The following ADAMTSL3 variants were observed in gnomAD, a reference collection of about 807,000 sequenced individuals.
The protein encoded by ADAMTSL3 is ADAMTS-like protein 3.
A neutral mutation model predicts 201.7 loss-of-function variants in ADAMTSL3; 128 were observed. That is an observed-to-expected ratio of 0.63 (90% CI 0.55 to 0.73). The LOEUF is 0.73. ADAMTSL3 is among the 30% of genes least tolerant of loss of function. The probability of loss-of-function intolerance (pLI) is 0.00; values close to 1 mark genes in which losing one functional copy is unlikely to be tolerated. For synonymous variants in ADAMTSL3, 738 were observed against 748.4 expected (o/e 0.99, Z 0.23); for missense variants, 1,990 against 2,119.6 (o/e 0.94, Z 1.20).
Position 84,033,877 on chromosome 15 carries a change from A to G in ADAMTSL3, c.4754+2445A>G, listed in dbSNP as rs567084902. The stretch of plus-strand genomic sequence containing the variant: ...ATAAAGAGTATAGAAGGATCTATCA[A>G]GAGGCTCAAAATCTGATTAAATTGG... On this transcript the variant is annotated intron_variant, in intron 28 of 29. Transcript: ENST00000286744. Among the ~76,000 whole-genome samples the G allele has an allele frequency of 4.4e-4, 67 of 152,350 alleles. 1 individual carries two copies. The highest frequency in any genetic ancestry group is 1.5e-3 in the African/African-American group (62 of 41,588).
chr15:83,871,057 G>GC, intron 9 of ADAMTSL3, 98 bp downstream of exon 9: 2 of 1,378,304 alleles, frequency 1.5e-6, no homozygotes, highest in South Asian at 2.5e-5. Flanking sequence ...ATCAATCATT[G>GC]TTTTTTATAC....
chr15:83,788,344 A>G (rs1008953684), intron 4 of ADAMTSL3, among the ~76,000 whole-genome samples: 9 of 152,124 alleles, frequency 5.9e-5, no homozygotes, highest in African/African-American at 2.2e-4. Context: ...TGGGAGGGTC[A>G]TTTACTTCTT....
intron 2 of ADAMTSL3, among the ~76,000 whole-genome samples, chr15:83,682,265 G>T (rs2061485843): frequency 6.6e-6 from 1 of 152,120 alleles, no homozygotes; most frequent in Non-Finnish European, 1.5e-5. Context: ...GCCTGAGACA[G>T]ACCTGCCCAA....
chr15:83,820,797 C>T (rs532817463), intron 6 of ADAMTSL3, among the ~76,000 whole-genome samples: 18 of 152,156 alleles, frequency 1.2e-4, no homozygotes, highest in Non-Finnish European at 1.9e-4. Flanking sequence ...CACTTTAGGC[C>T]GGGTATGGAG....
intron 2 of ADAMTSL3, among the ~76,000 whole-genome samples, chr15:83,665,885 G>A (rs1043714089): frequency 2.0e-5 from 3 of 151,958 alleles, no homozygotes; most frequent in Non-Finnish European, 4.4e-5. Context: ...TAAAAACAAA[G>A]AAGAGTAACT....
At chr15:83,669,453 GTTTTTTTTTTTTTTTTT>G (rs71156089) in intron 2 of ADAMTSL3, among the ~76,000 whole-genome samples, 9 of 56,924 alleles carry the variant, frequency 1.6e-4, no homozygotes, top group Non-Finnish European at 2.3e-4. Context: ...CGGGAGTGAG[GTTTTTTTTTTTTTTTTT>G]TTTTTTTTTT....
chr15:83,680,839 C>T (rs2061467820), intron 2 of ADAMTSL3, among the ~76,000 whole-genome samples: 1 of 151,742 alleles, frequency 6.6e-6, no homozygotes, highest in Admixed American at 6.6e-5. Flanking sequence ...AGATATTGTT[C>T]ATGGTATTAT....
intron 2 of ADAMTSL3, among the ~76,000 whole-genome samples, chr15:83,698,681 C>T (rs1442511594): frequency 6.6e-6 from 1 of 152,260 alleles, no homozygotes; most frequent in African/African-American, 2.4e-5. Context: ...TGGAAATGTC[C>T]AACGCATGTT....
At chr15:83,777,048 C>T (rs2063087270) in intron 4 of ADAMTSL3, among the ~76,000 whole-genome samples, 3 of 149,794 alleles carry the variant, frequency 2.0e-5, no homozygotes, top group African/African-American at 7.4e-5. Flanking sequence ...AACAGTGGAT[C>T]CTACCCCACC....
chr15:83,954,849 GTCTC>G (rs146126178), intron 19 of ADAMTSL3, among the ~76,000 whole-genome samples: 1 of 150,224 alleles, frequency 6.7e-6, no homozygotes, highest in East Asian at 1.9e-4. Flanking sequence ...CTCTGTCTCT[GTCTC>G]TCTCTCTCTC....
At chr15:83,986,179 T>C (rs2067471856) in intron 21 of ADAMTSL3, among the ~76,000 whole-genome samples, 1 of 152,196 alleles carries the variant, frequency 6.6e-6, no homozygotes. Flanking sequence ...GGGGGGTTCA[T>C]GGACTATGCT....
At chr15:83,991,522 A>C (rs1429016628) in intron 23 of ADAMTSL3, among the ~76,000 whole-genome samples, 1 of 152,062 alleles carries the variant, frequency 6.6e-6, no homozygotes, top group Non-Finnish European at 1.5e-5. Context: ...GTAGATCTAC[A>C]AAAGAGGCCA....
At chr15:84,008,067 C>T (rs903344738) in intron 23 of ADAMTSL3, among the ~76,000 whole-genome samples, 15 of 152,166 alleles carry the variant, frequency 9.9e-5, no homozygotes, top group African/African-American at 3.6e-4. Flanking sequence ...AGGTCACCAA[C>T]AGCTTACCAT....
chr15:83,655,239 A>G (rs1027530692), intron 1 of ADAMTSL3, among the ~76,000 whole-genome samples: 21 of 152,160 alleles, frequency 1.4e-4, no homozygotes, highest in African/African-American at 3.6e-4. Context: ...GGTGTCATCT[A>G]GCGAGGAAAG....
chr15:83,780,692 A>G (rs1188685960), intron 4 of ADAMTSL3, among the ~76,000 whole-genome samples: 4 of 152,312 alleles, frequency 2.6e-5, no homozygotes, highest in East Asian at 1.9e-4. Flanking sequence ...GGCAGATGAC[A>G]TATCCTATAT....
intron 8 of ADAMTSL3, among the ~76,000 whole-genome samples, chr15:83,868,170 C>T (rs2065014501): frequency 6.6e-6 from 1 of 152,078 alleles, no homozygotes; most frequent in African/African-American, 2.4e-5. Context: ...ACACACTAAC[C>T]ACCTTGCTGC....
At chr15:83,925,652 A>G (rs1246312334) in intron 17 of ADAMTSL3, among the ~76,000 whole-genome samples, 5 of 152,244 alleles carry the variant, frequency 3.3e-5, no homozygotes, top group South Asian at 4.1e-4. Flanking sequence ...AATAGCAAAT[A>G]TATTGGAGCA....
At chr15:83,836,349 A>G (rs1450770691) in intron 6 of ADAMTSL3, among the ~76,000 whole-genome samples, 1 of 152,192 alleles carries the variant, frequency 6.6e-6, no homozygotes, top group African/African-American at 2.4e-5. Flanking sequence ...ACAAAAGTAG[A>G]CCCTTTCCTC....
chr15:84,024,588 C>A (rs1394680950), intron 26 of ADAMTSL3, among the ~76,000 whole-genome samples: 1 of 152,118 alleles, frequency 6.6e-6, no homozygotes, highest in Non-Finnish European at 1.5e-5. Flanking sequence ...TGTTAGAAAC[C>A]CCTGCTCTGC....
Sources: gnomAD v4.1 joint callset for allele counts (sites outside exome capture counted in the v4.1 genomes callset) on GRCh38, gnomAD v4.1.1 for gene constraint, MANE v1.5 for transcripts, NCBI Gene and HGNC (gene_info 2026-07-23, HGNC 2026-07-21) for gene names.